Variants in MSR1 observed in about 807,000 individuals in gnomAD.
The protein encoded by MSR1 is macrophage scavenger receptor 1, also known as macrophage scavenger receptor types I and II.
A neutral mutation model predicts 47.2 loss-of-function variants in MSR1; 53 were observed. The ratio of observed to expected loss-of-function variants is 1.12; its 90% CI spans 0.90 to 1.41. MSR1 has a LOEUF of 1.41. MSR1 is among the 40% of genes most tolerant of loss of function. The pLI, the probability that MSR1 is intolerant of heterozygous loss-of-function variation, is 0.00. For missense variants in MSR1, 786 were observed against 546.9 expected, an observed-to-expected ratio of 1.44 and a Z score of -4.36; for synonymous variants, 239 against 185.6, an observed-to-expected ratio of 1.29 and a Z score of -2.34.
At chr8:16,146,808 T>C (rs1036645784) in intron 7 of MSR1, among the ~76,000 whole-genome samples, 14 of 152,154 alleles carry the variant, frequency 9.2e-5, no homozygotes, top group African/African-American at 3.4e-4. Flanking sequence ...AAATCAGTGG[T>C]TCTGAATAAT....
At chr8:16,139,865 G>T (rs1257470575) in intron 8 of MSR1, 1 of 377,846 alleles carries the variant, frequency 2.6e-6, no homozygotes, top group African/African-American at 3.1e-5. Flanking sequence ...GGTAAAATAA[G>T]AATCAATTTT....
chr8:16,184,778 T>C (rs1186611829), intron 1 of MSR1, among the ~76,000 whole-genome samples: 3 of 152,032 alleles, frequency 2.0e-5, no homozygotes, highest in African/African-American at 4.8e-5. Context: ...TGATTTTGTT[T>C]TTTCTTTAAG....
At chr8:16,143,753 A>ATTAT in intron 7 of MSR1, 142 bp from the exon 8 acceptor site, 1 of 660,014 alleles carries the variant, frequency 1.5e-6, no homozygotes, top group Non-Finnish European at 2.6e-6. Context: ...GTATAATGTT[A>ATTAT]ACAATAATAA....
intron 5 of MSR1, among the ~76,000 whole-genome samples, chr8:16,161,158 TAAG>T (rs1801152518): frequency 6.7e-6 from 1 of 149,464 alleles, no homozygotes; most frequent in Non-Finnish European, 1.5e-5. Flanking sequence ...TAGTAGAGAG[TAAG>T]AAGAAGTTTG....
chr8:16,187,364 CAAAAAAAAA>C lies in MSR1; in HGVS notation c.-5+5225_-5+5233del, dbSNP rs751848634. ...GGCAACAAGAATAAAACTCTGTCTCCAAAAAAAAAAAAAAAAAAAAAAAAAGGAAAGAAA... is the reference window on the plus strand; with the variant it reads ...GGCAACAAGAATAAAACTCTGTCTCCAAAAAAAAAAAAAAAAGGAAAGAAA... On this transcript the variant is annotated intron_variant, in intron 1 of 9. Transcript: ENST00000262101. Among the ~76,000 whole-genome samples, 138 of 35,432 alleles carry C rather than the reference CAAAAAAAAA, an allele frequency of 3.9e-3. 1 individual carries two copies. Among genetic ancestry groups the C allele is most frequent in the African/African-American group, 0.016 (130 of 8,272 alleles). 23.2% of individuals were successfully genotyped at this position (35,432 alleles called of 152,430 possible). A position where few individuals can be genotyped will look rare whatever the true frequency, so the allele number is the denominator to read the frequency against.
At chr8:16,175,149 G>T in intron 3 of MSR1, 38 bp downstream of exon 3, 1 of 1,526,308 alleles carries the variant, frequency 6.6e-7, no homozygotes, top group Non-Finnish European at 9.1e-7. Context: ...TAATTCACGG[G>T]ACGAGTTACT....
intron 3 of MSR1, among the ~76,000 whole-genome samples, 154 bp from the exon 4 acceptor site, chr8:16,169,024 C>T (rs889744633): frequency 3.0e-4 from 46 of 152,044 alleles, no homozygotes; most frequent in South Asian, 1.0e-3. Context: ...TAATCTACAA[C>T]GTGTGAACTA....
At chr8:16,114,963 C>A (rs1026809550) in intron 9 of MSR1, among the ~76,000 whole-genome samples, 2 of 151,344 alleles carry the variant, frequency 1.3e-5, no homozygotes, top group Admixed American at 1.3e-4. Context: ...GGATCTCGTG[C>A]GGTCAGGAGT....
At chr8:16,140,478 C>T (rs911905273) in intron 8 of MSR1, 18 of 989,708 alleles carry the variant, frequency 1.8e-5, no homozygotes, top group East Asian at 2.2e-4. Context: ...AGTCTCATTG[C>T]GCATGAGCAA....
chr8:16,150,624 A>C lies in MSR1; in HGVS notation c.899-313T>G, dbSNP rs1800830021. Reference sequence around the variant, plus strand: ...TATGTAGTCAACCAGTAATCATCAAATGGCAGGATCTTGCTGTAGCTGAAA... The same window carrying C: ...TATGTAGTCAACCAGTAATCATCAACTGGCAGGATCTTGCTGTAGCTGAAA... On this transcript the variant is annotated intron_variant, in intron 6 of 9. Coordinates refer to ENST00000262101, the MANE Select transcript of MSR1 (RefSeq NM_138715.3). 2.0e-5 allele frequency among the ~76,000 whole-genome samples: 3 copies of C among 152,110 alleles called. No homozygotes were observed. In the South Asian group the frequency reaches 6.2e-4, roughly 32 times the overall value.
At chr8:16,187,420 A>G (rs1385848024) in intron 1 of MSR1, among the ~76,000 whole-genome samples, 3 of 145,312 alleles carry the variant, frequency 2.1e-5, no homozygotes, top group Non-Finnish European at 4.6e-5. Flanking sequence ...CAAGCAAGCA[A>G]GCTGACTGTT....
At chr8:16,178,097 G>A in intron 1 of MSR1, 105 bp from the exon 2 acceptor site, 2 of 813,592 alleles carry the variant, frequency 2.5e-6, no homozygotes, top group Non-Finnish European at 3.8e-6. Flanking sequence ...AATCTATTCA[G>A]TTTTTCTTTT....
chr8:16,164,842 T>C (rs1386545391), intron 4 of MSR1, among the ~76,000 whole-genome samples: 1 of 152,060 alleles, frequency 6.6e-6, no homozygotes, highest in Admixed American at 6.6e-5. Flanking sequence ...GTATATTTTG[T>C]GTATATTTAT....
intron 5 of MSR1, among the ~76,000 whole-genome samples, chr8:16,156,372 G>C (rs1280836824): frequency 6.6e-6 from 1 of 151,726 alleles, no homozygotes; most frequent in African/African-American, 2.4e-5. Context: ...AATAAATAAA[G>C]ATTATCTCAT....
At chr8:16,149,196 G>A (rs1401110851) in intron 7 of MSR1, among the ~76,000 whole-genome samples, 2 of 152,030 alleles carry the variant, frequency 1.3e-5, no homozygotes, top group Non-Finnish European at 2.9e-5. Context: ...GTAATAATAT[G>A]TCAGTGTTGG....
chr8:16,164,995 T>A (rs1801264417), intron 4 of MSR1, among the ~76,000 whole-genome samples: 2 of 152,126 alleles, frequency 1.3e-5, no homozygotes, highest in South Asian at 4.1e-4. Flanking sequence ...TTCAGTAATT[T>A]AGTGGAATTG....
chr8:16,170,452 C>A (rs1801451467), intron 3 of MSR1, among the ~76,000 whole-genome samples: 1 of 151,922 alleles, frequency 6.6e-6, no homozygotes, highest in African/African-American at 2.4e-5. Context: ...TTTCCTATAT[C>A]TCTCTATATG....
intron 9 of MSR1, among the ~76,000 whole-genome samples, chr8:16,114,577 C>G (rs1376875992): frequency 6.6e-6 from 1 of 152,082 alleles, no homozygotes; most frequent in South Asian, 2.1e-4. Flanking sequence ...AAAAGTGACT[C>G]ACTCTCCTTT....
In MSR1 at chr8:16,156,603, G is replaced by A. The variant is rs144529679; in HGVS notation, c.818-1459C>T. 2.9e-3 allele frequency among the ~76,000 whole-genome samples: 439 copies of A among 151,802 alleles called. 4 individuals carry two copies. The highest frequency in any genetic ancestry group is 0.015 in the East Asian group (78 of 5,154). On this transcript the variant is annotated intron_variant, in intron 5 of 9. Transcript: ENST00000262101. ...TATTATAAAAGCAACTCTACTTATA[G>A]GAAACATAAAAGCCTAGAAAAAGCG...
Sources: allele counts gnomAD v4.1 joint callset (sites outside exome capture counted in the v4.1 genomes callset), GRCh38; gene constraint gnomAD v4.1.1; transcripts MANE v1.5; gene names NCBI Gene and HGNC (gene_info 2026-07-23, HGNC 2026-07-21).